ZBTB45: variants seen among roughly 807,000 people sequenced by gnomAD.
The protein encoded by ZBTB45 is zinc finger and BTB domain-containing protein 45.
A neutral mutation model predicts 28.4 loss-of-function variants in ZBTB45; 22 were observed. The ratio of observed to expected loss-of-function variants is 0.77; its 90% CI spans 0.55 to 1.10. The LOEUF is 1.10. Among genes scored for constraint, ZBTB45 ranks in the 50% least tolerant of loss-of-function variants. ZBTB45 has a pLI of 0.00. For missense variants in ZBTB45, 656 were observed against 750.2 expected (o/e 0.87, Z 1.47); for synonymous variants, 361 against 332.3 (o/e 1.09, Z -0.94).
chr19:58,534,164 A>T (rs916754793), intron 1 of ZBTB45, among the ~76,000 whole-genome samples: 2 of 152,140 alleles, frequency 1.3e-5, no homozygotes, highest in African/African-American at 4.8e-5. Context: ...CCAAAAAGTT[A>T]AAAAGTCCAT....
upstream of ZBTB45, among the ~76,000 whole-genome samples, chr19:58,522,224 C>T (rs1172817450): frequency 6.6e-6 from 1 of 151,246 alleles, no homozygotes. Context: ...CGCAATGGCG[C>T]GATCTTGGCT....
At chr19:58,520,378 G>A (rs2053567474), upstream of ZBTB45, among the ~76,000 whole-genome samples, 1 of 152,130 alleles carries the variant, frequency 6.6e-6, no homozygotes, top group East Asian at 1.9e-4. Flanking sequence ...GACCCTGTGA[G>A]ATTCTGGGAC....
chr19:58,525,926 A>T (rs2053604508), intron 1 of ZBTB45, among the ~76,000 whole-genome samples: 1 of 152,170 alleles, frequency 6.6e-6, no homozygotes, highest in South Asian at 2.1e-4. Context: ...ATTAATTCTG[A>T]AGAGTTTAAA....
intron 1 of ZBTB45, among the ~76,000 whole-genome samples, chr19:58,535,828 G>A (rs952241626): frequency 3.3e-5 from 5 of 152,186 alleles, no homozygotes; most frequent in African/African-American, 1.2e-4. Flanking sequence ...CCACCAAGAA[G>A]TGGGCTCTGG....
intron 1 of ZBTB45, among the ~76,000 whole-genome samples, chr19:58,527,530 C>T (rs1223758601): frequency 1.3e-5 from 2 of 152,166 alleles, no homozygotes; most frequent in African/African-American, 4.8e-5. Flanking sequence ...CTCTCCAGTC[C>T]TGTCACTTTG....
chr19:58,535,723 T>TA (rs2122599738), intron 1 of ZBTB45, among the ~76,000 whole-genome samples: 1 of 152,322 alleles, frequency 6.6e-6, no homozygotes, highest in Non-Finnish European at 1.5e-5. Context: ...AAGTAATAGA[T>TA]ACCAAATCTC....
At chr19:58,519,216 C>G (rs919107844) in intron 1 of ZBTB45, 4 of 152,426 alleles carry the variant, frequency 2.6e-5, no homozygotes, top group Non-Finnish European at 4.4e-5. Context: ...GGCCTGTGCC[C>G]GCGCAAAGGC....
chr19:58,535,984 T>C (rs115594501), intron 1 of ZBTB45, among the ~76,000 whole-genome samples: 28 of 152,220 alleles, frequency 1.8e-4, no homozygotes, highest in African/African-American at 6.0e-4. Flanking sequence ...ACAAAGGCCC[T>C]GAGTTGAGGA....
At chr19:58,530,247 T>G (rs1039015641) in intron 1 of ZBTB45, among the ~76,000 whole-genome samples, 1 of 144,208 alleles carries the variant, frequency 6.9e-6, no homozygotes, top group African/African-American at 2.5e-5. Flanking sequence ...CTCAGTTGTA[T>G]GGATACACCA....
Position 58,514,009 on chromosome 19 carries a change from G to T in ZBTB45, c.*45C>A. ...CCGCAGCGGGCGTGGCCGACTGTGC[G>T]GGAGGCCCCGGATCCACCGTGGGCG... On this transcript the variant is annotated 3_prime_UTR_variant, in exon 3 of 3. Coordinates refer to ENST00000594051, the MANE Select transcript of ZBTB45 (RefSeq NM_001316979.2). 4 of 1,367,980 alleles carry T rather than the reference G, an allele frequency of 2.9e-6. No individual in the cohort carries two copies. Among genetic ancestry groups the T allele is most frequent in the Non-Finnish European group, 3.7e-6 (4 of 1,067,014 alleles). 84.7% of individuals were successfully genotyped at this position (1,367,980 alleles called of 1,614,324 possible).
chr19:58,516,988 C>T lies in ZBTB45; in HGVS notation c.686G>A (p.Gly229Asp), dbSNP rs1301964677. The stretch of plus-strand genomic sequence containing the variant: ...GAAGGAAGGAGGTGCCTGGCCCTCG[C>T]CTGGGCCGCCACCTTCGCCATCCTC... ...DGEDGEGGGP[G>D]EGQAPPSFPD... The change falls in exon 2 of 3, where the codon GGC becomes GAC. Residue 229 changes from glycine to aspartate, a missense_variant. Coordinates refer to ENST00000594051, the MANE Select transcript of ZBTB45 (RefSeq NM_001316979.2). This position sits in a 1 kb window ranked among gnomAD's most constrained non-coding sequence, Gnocchi z 6.2. 1 of 1,613,196 alleles carries T rather than the reference C, an allele frequency of 6.2e-7. No individual in the cohort carries two copies. Among genetic ancestry groups the T allele is most frequent in the South Asian group, 1.1e-5 (1 of 91,082 alleles).
At chr19:58,522,760 G>A (rs543204821), upstream of ZBTB45, among the ~76,000 whole-genome samples, 2 of 152,330 alleles carry the variant, frequency 1.3e-5, no homozygotes, top group South Asian at 2.1e-4. Flanking sequence ...TTTGGGAAGA[G>A]CATAAGGGTA....
chr19:58,526,338 T>G (rs2053606528), intron 1 of ZBTB45, among the ~76,000 whole-genome samples: 1 of 151,666 alleles, frequency 6.6e-6, no homozygotes, highest in South Asian at 2.1e-4. Flanking sequence ...GCCTCCTGAG[T>G]AGCTGGGATT....
In ZBTB45 at chr19:58,514,243, G is replaced by A. The variant is rs1257362871; in HGVS notation, c.1347C>T (p.His449=). 8 of 1,612,314 alleles carry A rather than the reference G, an allele frequency of 5.0e-6. No individual in the cohort carries two copies. In the Admixed American group the frequency reaches 8.3e-5, roughly 17 times the overall value. Residue 449 remains histidine, a synonymous_variant, in exon 3 of 3, where the codon CAC becomes CAT. Transcript: ENST00000594051. The part of the protein sequence containing the change: ...SFSLRDYLLK[H]MVTHTGVRAF... The stretch of plus-strand genomic sequence containing the variant: ...CGCGCACGCCGGTGTGCGTGACCAT[G>A]TGTTTGAGCAGGTAGTCGCGTAGAG...
chr19:58,517,035 TTCCTCGTCA>T lies in ZBTB45; in HGVS notation c.630_638del (p.Asp210_Glu212del). ...CCTCGCCATCGGTCTCATCGTCACT[TTCCTCGTCA>T]TCCTCGTCACCTCGGTCATCAGGGG... On this transcript the variant is annotated inframe_deletion, in exon 2 of 3. Transcript: ENST00000594051. The T allele has an allele frequency of 1.2e-6, 2 of 1,613,194 alleles. No homozygotes were observed. The highest frequency in any genetic ancestry group is 1.7e-6 in the Non-Finnish European group (2 of 1,179,984).
At chr19:58,531,153 C>T (rs186842843) in intron 1 of ZBTB45, among the ~76,000 whole-genome samples, 2 of 152,276 alleles carry the variant, frequency 1.3e-5, no homozygotes, top group South Asian at 2.1e-4. Flanking sequence ...TCTCACTTGT[C>T]ATTTTCAGTT....
Position 58,516,741 on chromosome 19 carries a change from G to A in ZBTB45, c.933C>T (p.Asp311=). Residue 311 remains aspartate, a synonymous_variant, in exon 2 of 3, where the codon GAC becomes GAT. Transcript: ENST00000594051. The surrounding 1 kb of genome is among the most constrained non-coding windows in gnomAD (Gnocchi z 6.2). ...GCPTETPVQP[D]CILSGSRPPG... is the part of the protein sequence containing the mutation. ...GCGGGCGGGATCCAGACAGTATGCA[G>A]TCGGGCTGGACAGGGGTCTCAGTGG... The A allele has an allele frequency of 6.2e-7, 1 of 1,611,566 alleles. No homozygotes were observed. The highest frequency in any genetic ancestry group is 8.5e-7 in the Non-Finnish European group (1 of 1,178,628).
intron 1 of ZBTB45, among the ~76,000 whole-genome samples, chr19:58,538,177 T>C (rs968791320): frequency 6.6e-6 from 1 of 151,958 alleles, no homozygotes; most frequent in Non-Finnish European, 1.5e-5. Context: ...CCTCGCCCTG[T>C]GCACTGCCAG....
At chr19:58,526,659 G>C (rs1407318398) in intron 1 of ZBTB45, among the ~76,000 whole-genome samples, 1 of 144,916 alleles carries the variant, frequency 6.9e-6, no homozygotes, top group Non-Finnish European at 1.5e-5. Flanking sequence ...AGCCTCCCAA[G>C]TAGCTGGGAC....
Sources: allele counts gnomAD v4.1 joint callset (sites outside exome capture counted in the v4.1 genomes callset), GRCh38; gene constraint gnomAD v4.1.1; non-coding constraint Gnocchi (gnomAD v3.1); transcripts MANE v1.5; gene names NCBI Gene and HGNC (gene_info 2026-07-23, HGNC 2026-07-21).